The following ENO2 variants were observed in gnomAD, a reference collection of about 807,000 sequenced individuals.
The protein encoded by ENO2 is enolase 2.
In ENO2, 19 loss-of-function variants were observed where a neutral mutation model predicts 48.7. The observed-to-expected ratio is 0.39, with a 90% CI of 0.27 to 0.57. The LOEUF (loss-of-function observed/expected upper bound fraction) is 0.57. ENO2 is among the 20% of genes least tolerant of loss of function. The pLI is 0.58. For synonymous variants in ENO2, 198 were observed against 213.4 expected, an observed-to-expected ratio of 0.93 and a Z score of 0.63; for missense variants, 416 against 555.0, an observed-to-expected ratio of 0.75 and a Z score of 2.52.
At chr12:6,921,459 T>A in intron 8 of ENO2, 122 bp from the exon 9 acceptor site, 2 of 925,646 alleles carry the variant, frequency 2.2e-6, no homozygotes, top group Non-Finnish European at 3.4e-6. Flanking sequence ...TTAGCAAGGA[T>A]GAGCAGGTGT....
Position 6,922,268 on chromosome 12 carries a change from G to A in ENO2, c.1177-76G>A. 6.2e-7 allele frequency: 1 copy of A among 1,611,788 alleles called. No individual in the cohort carries two copies. The highest frequency in any genetic ancestry group is 8.5e-7 in the Non-Finnish European group (1 of 1,178,012). On this transcript the variant is annotated intron_variant, in intron 10 of 11. Transcript: ENST00000229277. The surrounding 1 kb of genome is among the most constrained non-coding windows in gnomAD (Gnocchi z 5.3). ...CCAGGTGTTTGAGGGTGTCAGGGGA[G>A]TTTCAGGAGAGCAGAAGTTTCCTTT...
chr12:6,922,741 G>C lies in ENO2; in HGVS notation c.1246G>C (p.Glu416Gln), dbSNP rs147018165. ...KYNQLMRIEEELGDEARFAGH... is the reference protein window; with the variant it reads ...KYNQLMRIEEQLGDEARFAGH... ...GTTCATCTCTCTCAGAATTGAGGAA[G>C]AGCTGGGGGATGAAGCTCGCTTTGC... The change falls in exon 12 of 12, where the codon GAG (glutamate) becomes CAG (glutamine). Residue 416 changes from glutamate (E) to glutamine (Q), a missense_variant. By Grantham distance (29) the Glu-to-Gln change is conservative (BLOSUM62 2). Coordinates refer to ENST00000229277, the MANE Select transcript of ENO2 (RefSeq NM_001975.3). The surrounding 1 kb of genome is among the most constrained non-coding windows in gnomAD (Gnocchi z 5.3). 3 of 1,614,044 alleles carry C rather than the reference G, an allele frequency of 1.9e-6. No individual in the cohort carries two copies. Among genetic ancestry groups the C allele is most frequent in the Non-Finnish European group, 2.5e-6 (3 of 1,180,022 alleles).
intron 7 of ENO2, among the ~76,000 whole-genome samples, chr12:6,919,323 A>G (rs916321173): frequency 3.3e-5 from 5 of 152,200 alleles, no homozygotes; most frequent in Non-Finnish European, 5.9e-5. Context: ...TGAAATATAT[A>G]TAAAATGCTT....
In ENO2 at chr12:6,916,327, G is replaced by A; in HGVS notation, c.86-90G>A. 2 of 1,202,216 alleles carry A rather than the reference G, an allele frequency of 1.7e-6. No individual in the cohort carries two copies. The highest frequency in any genetic ancestry group is 4.4e-5 in the Admixed American group (2 of 45,082). The allele number at this position is 1,202,216 out of a possible 1,614,324, so 74.5% of individuals were successfully genotyped here. The stretch of plus-strand genomic sequence containing the variant: ...GCAGTGTGGGGAGAGAGCTAGATGT[G>A]GTAGGCAGGCAGTTTAGAGCCAGAA... On this transcript the variant is annotated intron_variant, in intron 2 of 11. Coordinates refer to ENST00000229277, the MANE Select transcript of ENO2 (RefSeq NM_001975.3). This position sits in a 1 kb window ranked among gnomAD's most constrained non-coding sequence, Gnocchi z 4.5.
Position 6,923,098 on chromosome 12 carries a change from AAT to A in ENO2, c.*299_*300del. 1 of 366,834 alleles carries A rather than the reference AAT, an allele frequency of 2.7e-6. No individual in the cohort carries two copies. Among genetic ancestry groups the A allele is most frequent in the Non-Finnish European group, 5.2e-6 (1 of 191,022 alleles). 22.7% of individuals were successfully genotyped at this position (366,834 alleles called of 1,614,324 possible). On this transcript the variant is annotated 3_prime_UTR_variant, in exon 12 of 12. Coordinates refer to ENST00000229277, the MANE Select transcript of ENO2 (RefSeq NM_001975.3). ...TATTATAAAAGGGGGTCCGTGGAAG[AAT>A]GATCAGCATCTGTGATGGGAGCGTC...
Position 6,916,629 on chromosome 12 carries a change from C to T in ENO2, c.182-42C>T, listed in dbSNP as rs1320809235. On this transcript the variant is annotated intron_variant, in intron 3 of 11. Coordinates refer to ENST00000229277, the MANE Select transcript of ENO2 (RefSeq NM_001975.3). The surrounding 1 kb of genome is among the most constrained non-coding windows in gnomAD (Gnocchi z 4.5). ...CCCTCCTCCCATTGATCCCTTCCGG[C>T]CCCTCCTGGCCCGACCCAGTCCAGC... 4.3e-6 allele frequency: 7 copies of T among 1,612,946 alleles called. No individual in the cohort carries two copies. Among genetic ancestry groups the T allele is most frequent in the Admixed American group, 3.3e-5 (2 of 59,994 alleles).
At position 6,914,879 on chromosome 12, in the gene ENO2, C is replaced by T. The variant is rs1294898519; in HGVS notation, c.-13+220C>T. 6.6e-6 allele frequency among the ~76,000 whole-genome samples: 1 copy of T among 152,182 alleles called. No homozygotes were observed. Among genetic ancestry groups the T allele is most frequent in the Non-Finnish European group, 1.5e-5 (1 of 68,022 alleles). ...TCTGCGCGCCTATCTCTAACTGCGCCTCTCCACCCTTGCCTGCCTCTCTCC... is the reference window on the plus strand; with the variant it reads ...TCTGCGCGCCTATCTCTAACTGCGCTTCTCCACCCTTGCCTGCCTCTCTCC... On this transcript the variant is annotated intron_variant, in intron 1 of 11. Transcript: ENST00000229277. The surrounding 1 kb of genome is among the most constrained non-coding windows in gnomAD (Gnocchi z 7.1).
chr12:6,922,482 G>T lies in ENO2; in HGVS notation c.1235+80G>T. 1 of 1,560,588 alleles carries T rather than the reference G, an allele frequency of 6.4e-7. No individual in the cohort carries two copies. The highest frequency in any genetic ancestry group is 8.8e-7 in the Non-Finnish European group (1 of 1,132,472). On this transcript the variant is annotated intron_variant, in intron 11 of 11. Transcript: ENST00000229277. The surrounding 1 kb of genome is among the most constrained non-coding windows in gnomAD (Gnocchi z 5.3). ...CCTGCCAGACCATCTGTAGCACCAA[G>T]GGCCTGGATAACAGTCCATTTCCTG...
At chr12:6,920,715 AACTTTTTT>A (rs1555142007) in intron 8 of ENO2, among the ~76,000 whole-genome samples, 1 of 135,506 alleles carries the variant, frequency 7.4e-6, no homozygotes, top group African/African-American at 2.9e-5. Flanking sequence ...GCTTTTAATT[AACTTTTTT>A]TTTTTTTTTT....
chr12:6,919,507 T>G, intron 7 of ENO2, 59 bp from the exon 8 acceptor site: 1 of 1,573,926 alleles, frequency 6.4e-7, no homozygotes, highest in Non-Finnish European at 8.7e-7. Flanking sequence ...TTTCTTTCCC[T>G]CCTCCTCCTT....
Position 6,916,545 on chromosome 12 carries a change from C to A in ENO2, c.181+33C>A, listed in dbSNP as rs781995250. The A allele has an allele frequency of 6.2e-7, 1 of 1,613,124 alleles. No individual in the cohort carries two copies. Among genetic ancestry groups the A allele is most frequent in the Non-Finnish European group, 8.5e-7 (1 of 1,179,290 alleles). ...CCCTTCTCTTTTCCAGACTCTCCCC[C>A]ACCTCAGCCTTATGCCCCTACCTCA... On this transcript the variant is annotated intron_variant, in intron 3 of 11. Coordinates refer to ENST00000229277, the MANE Select transcript of ENO2 (RefSeq NM_001975.3). The surrounding 1 kb of genome is among the most constrained non-coding windows in gnomAD (Gnocchi z 4.5).
In ENO2 at chr12:6,917,043, C is replaced by G. The variant is rs782773921; in HGVS notation, c.246C>G (p.Leu82=). The G allele has an allele frequency of 6.2e-7, 1 of 1,614,186 alleles. No homozygotes were observed. Among genetic ancestry groups the G allele is most frequent in the African/African-American group, 1.3e-5 (1 of 75,042 alleles). The change falls in exon 5 of 12, where the codon CTC becomes CTG. Residue 82 remains leucine, a synonymous_variant. Coordinates refer to ENST00000229277, the MANE Select transcript of ENO2 (RefSeq NM_001975.3). The part of the protein sequence containing the change: ...TIAPALISSG[L]SVVEQEKLDN... ...GATGGAGGCTCTGCCCTCAGGGTCT[C>G]TCTGTGGTGGAGCAAGAGAAACTGG...
rs1945350837 is a variant in ENO2, at chr12:6,922,643, G to A, written c.1236-88G>A. 2 of 1,477,684 alleles carry A rather than the reference G, an allele frequency of 1.4e-6. No homozygotes were observed. Among genetic ancestry groups the A allele is most frequent in the Admixed American group, 3.4e-5 (2 of 59,578 alleles). The allele number at this position is 1,477,684 out of a possible 1,614,324, so 91.5% of individuals were successfully genotyped here. A position where few individuals can be genotyped will look rare whatever the true frequency, so the allele number is the denominator to read the frequency against. ...CAGGACACAAAAGCAGGTGGTGTGG[G>A]GGTGGTTGGAGTCTGGGGGACCCCT... On this transcript the variant is annotated intron_variant, in intron 11 of 11. Coordinates refer to ENST00000229277, the MANE Select transcript of ENO2 (RefSeq NM_001975.3). The surrounding 1 kb of genome is among the most constrained non-coding windows in gnomAD (Gnocchi z 5.3).
chr12:6,919,446 C>A, intron 7 of ENO2, 120 bp from the exon 8 acceptor site: 1 of 1,109,490 alleles, frequency 9.0e-7, no homozygotes, highest in Non-Finnish European at 1.3e-6. Context: ...CCAACAGCAT[C>A]CCCGCCACAC....
At chr12:6,918,443 C>T (rs376147543) in intron 7 of ENO2, among the ~76,000 whole-genome samples, 7 of 150,694 alleles carry the variant, frequency 4.6e-5, no homozygotes, top group East Asian at 4.1e-4. Flanking sequence ...CTCCGCCTCC[C>T]GGGTTCACGC....
rs1945341680 is a variant in ENO2, at chr12:6,921,603, T to C, written c.888T>C (p.Phe296=). 1 of 1,614,008 alleles carries C rather than the reference T, an allele frequency of 6.2e-7. No homozygotes were observed. The highest frequency in any genetic ancestry group is 1.3e-5 in the African/African-American group (1 of 74,878). The change falls in exon 9 of 12, where the codon TTT becomes TTC. Residue 296 remains phenylalanine (F), a synonymous_variant. Transcript: ENST00000229277. ...DYPVVSIEDP[F]DQDDWAAWSK... is the part of the protein sequence containing the mutation. Reference sequence around the variant, plus strand: ...CAGTGGTCTCCATTGAGGACCCATTTGACCAGGATGATTGGGCTGCCTGGT... The same window carrying C: ...CAGTGGTCTCCATTGAGGACCCATTCGACCAGGATGATTGGGCTGCCTGGT...
intron 7 of ENO2, 107 bp downstream of exon 7, chr12:6,918,269 A>T: frequency 9.1e-7 from 1 of 1,093,388 alleles, no homozygotes; most frequent in Admixed American, 2.5e-5. Flanking sequence ...GGGTCCTAGG[A>T]CTCTGCAAAC....
intron 8 of ENO2, among the ~76,000 whole-genome samples, chr12:6,920,752 G>A (rs782379459): frequency 2.9e-4 from 39 of 135,302 alleles, no homozygotes; most frequent in African/African-American, 1.1e-3. Flanking sequence ...TAGAGACAGG[G>A]TTTAGCCATG....
Position 6,919,511 on chromosome 12 carries a change from C to T in ENO2, c.668-55C>T, listed in dbSNP as rs967342909. 90 of 1,594,866 alleles carry T rather than the reference C, an allele frequency of 5.6e-5. No homozygotes were observed. The Middle Eastern group carries it at 9.0e-4, about 16-fold the overall frequency. On this transcript the variant is annotated intron_variant, in intron 7 of 11. Transcript: ENST00000229277. Reference sequence around the variant, plus strand: ...CCTGAATGTCTTTTCTTTCCCTCCTCCTCCTTGCCCATCCCTCCTGCTTGT... The same window carrying T: ...CCTGAATGTCTTTTCTTTCCCTCCTTCTCCTTGCCCATCCCTCCTGCTTGT...
Sources: allele counts gnomAD v4.1 joint callset (sites outside exome capture counted in the v4.1 genomes callset), GRCh38; gene constraint gnomAD v4.1.1; non-coding constraint Gnocchi (gnomAD v3.1); transcripts MANE v1.5; gene names NCBI Gene and HGNC (gene_info 2026-07-23, HGNC 2026-07-21).